The following DCC variants were observed in gnomAD, a reference collection of about 807,000 sequenced individuals.
DCC encodes netrin receptor DCC.
In DCC, 58 loss-of-function variants were observed where a neutral mutation model predicts 172.5. The observed-to-expected ratio is 0.34, with a 90% CI of 0.27 to 0.42. The LOEUF is 0.42. DCC is among the 10% of genes least tolerant of loss of function. DCC has a pLI of 1.00. For missense variants in DCC, 1,740 were observed against 1,791.0 expected, an observed-to-expected ratio of 0.97 and a Z score of 0.51; for synonymous variants, 709 against 644.5, an observed-to-expected ratio of 1.10 and a Z score of -1.52.
chr18:53,148,556 A>C (rs2043950165), intron 7 of DCC, among the ~76,000 whole-genome samples: 1 of 152,188 alleles, frequency 6.6e-6, no homozygotes, highest in Non-Finnish European at 1.5e-5. Context: ...GACATTGATG[A>C]GAAAGATGAT....
At chr18:53,376,401 TA>T (rs1317511659) in intron 15 of DCC, among the ~76,000 whole-genome samples, 3 of 152,048 alleles carry the variant, frequency 2.0e-5, no homozygotes, top group African/African-American at 7.2e-5. Context: ...AATAAATAAA[TA>T]TTTAAAAATA....
At chr18:52,439,451 G>T (rs770814187) in intron 1 of DCC, among the ~76,000 whole-genome samples, 1 of 152,046 alleles carries the variant, frequency 6.6e-6, no homozygotes, top group African/African-American at 2.4e-5. Context: ...TGGCCTTAGG[G>T]TGAGGCATCT....
At position 53,188,276 on chromosome 18, in the gene DCC, A is replaced by G. The variant is rs117037178; in HGVS notation, c.1573+9160A>G. On this transcript the variant is annotated intron_variant, in intron 9 of 28. Transcript: ENST00000442544. ...GCCCAAGGCCTATGTCTAGATTCCT[A>G]AGTACAGGCATGCTTATCCTAAACA... Among the ~76,000 whole-genome samples, 4 of 152,324 alleles carry G rather than the reference A, an allele frequency of 2.6e-5. No homozygotes were observed. The East Asian group carries it at 5.8e-4, about 22-fold the overall frequency.
At chr18:52,375,573 G>T (rs933138993) in intron 1 of DCC, among the ~76,000 whole-genome samples, 7 of 152,124 alleles carry the variant, frequency 4.6e-5, no homozygotes, top group Non-Finnish European at 8.8e-5. Context: ...TCATGTCTCC[G>T]TGGACCAGCT....
intron 3 of DCC, among the ~76,000 whole-genome samples, chr18:52,907,874 A>T (rs2039913491): frequency 6.6e-6 from 1 of 152,170 alleles, no homozygotes; most frequent in South Asian, 2.1e-4. Flanking sequence ...ATAGGGTGTG[A>T]TTGATATGAT....
chr18:53,224,011 CTG>C (rs775641192), intron 12 of DCC, among the ~76,000 whole-genome samples: 6 of 152,162 alleles, frequency 3.9e-5, no homozygotes, highest in Non-Finnish European at 8.8e-5. Context: ...CAATTTTGAA[CTG>C]TGCTTGTTGC....
chr18:52,912,558 A>ACC (rs1423680085), intron 3 of DCC, among the ~76,000 whole-genome samples: 23 of 151,946 alleles, frequency 1.5e-4, no homozygotes, highest in African/African-American at 5.6e-4. Context: ...CTAGTAACTT[A>ACC]TTGCTACATG....
At chr18:53,363,701 C>G (rs944128099) in intron 15 of DCC, among the ~76,000 whole-genome samples, 3 of 152,088 alleles carry the variant, frequency 2.0e-5, no homozygotes, top group Admixed American at 2.0e-4. Flanking sequence ...CCAGAGTCTC[C>G]CATAGTATTG....
Position 52,929,246 on chromosome 18 carries a change from G to A in DCC, c.985+3876G>A, listed in dbSNP as rs201607969. ...AGAAAGATAAGTGGCTATCCCAAGGGGGGATCCAGATCCAAATCCAGGCAT... is the reference window on the plus strand; with the variant it reads ...AGAAAGATAAGTGGCTATCCCAAGGAGGGATCCAGATCCAAATCCAGGCAT... On this transcript the variant is annotated intron_variant, in intron 5 of 28. Coordinates refer to ENST00000442544, the MANE Select transcript of DCC (RefSeq NM_005215.4). 9.2e-5 allele frequency among the ~76,000 whole-genome samples: 14 copies of A among 152,160 alleles called. No homozygotes were observed. The East Asian group carries it at 2.7e-3, about 29-fold the overall frequency.
At chr18:52,398,188 A>G (rs1986303224) in intron 1 of DCC, among the ~76,000 whole-genome samples, 1 of 151,972 alleles carries the variant, frequency 6.6e-6, no homozygotes, top group South Asian at 2.1e-4. Context: ...TGGGTGGAGG[A>G]TTTCACAACT....
intron 7 of DCC, among the ~76,000 whole-genome samples, chr18:53,142,351 C>G (rs1173135256): frequency 6.6e-6 from 1 of 152,200 alleles, no homozygotes; most frequent in African/African-American, 2.4e-5. Context: ...TAGAATTAAT[C>G]TTTTCACACT....
chr18:52,629,872 A>C (rs899228231), intron 1 of DCC, among the ~76,000 whole-genome samples: 2 of 147,382 alleles, frequency 1.4e-5, no homozygotes, highest in South Asian at 2.2e-4. Flanking sequence ...ATGGCGTGAA[A>C]CCGGGAGGCG....
chr18:53,241,466 G>A lies in DCC; in HGVS notation c.1911+25869G>A, dbSNP rs1278994471. Among the ~76,000 whole-genome samples, 4 of 152,228 alleles carry A rather than the reference G, an allele frequency of 2.6e-5. No individual in the cohort carries two copies. In the East Asian group the frequency reaches 7.8e-4, roughly 30 times the overall value. On this transcript the variant is annotated intron_variant, in intron 12 of 28. Coordinates refer to ENST00000442544, the MANE Select transcript of DCC (RefSeq NM_005215.4). ...GACAAGGGGTTGTCTCCCTGATGAG[G>A]GAGCTCTGAACCAAAGCTTCCCGCA...
Position 53,069,261 on chromosome 18 carries a change from G to A in DCC, c.1261+3095G>A, listed in dbSNP as rs567853111. On this transcript the variant is annotated intron_variant, in intron 7 of 28. Coordinates refer to ENST00000442544, the MANE Select transcript of DCC (RefSeq NM_005215.4). Reference sequence around the variant, plus strand: ...ACATGGTGGATTAGCTTCCAAGATGGAGTTGCTTTCGCCTCCACACTGGCT... The same window carrying A: ...ACATGGTGGATTAGCTTCCAAGATGAAGTTGCTTTCGCCTCCACACTGGCT... Among the ~76,000 whole-genome samples, 7 of 152,306 alleles carry A rather than the reference G, an allele frequency of 4.6e-5. No individual in the cohort carries two copies. In the East Asian group the frequency reaches 1.4e-3, roughly 29 times the overall value.
At chr18:52,420,266 A>G (rs1201865615) in intron 1 of DCC, among the ~76,000 whole-genome samples, 4 of 152,148 alleles carry the variant, frequency 2.6e-5, no homozygotes, top group South Asian at 2.1e-4. Flanking sequence ...AAGAAACTCA[A>G]TCTCTAGACC....
At chr18:53,460,056 G>GAAAAAAAA (rs55871112) in intron 24 of DCC, among the ~76,000 whole-genome samples, 1 of 75,986 alleles carries the variant, frequency 1.3e-5, no homozygotes, top group Non-Finnish European at 2.6e-5. Flanking sequence ...AAAGGGATCT[G>GAAAAAAAA]AAAAAAAAAA....
At chr18:52,572,807 A>G (rs2033330971) in intron 1 of DCC, among the ~76,000 whole-genome samples, 2 of 152,182 alleles carry the variant, frequency 1.3e-5, no homozygotes, top group Admixed American at 1.3e-4. Flanking sequence ...ATTAGGAATA[A>G]TTGAATGTGG....
At chr18:53,502,235 C>T (rs1332714715) in intron 27 of DCC, among the ~76,000 whole-genome samples, 1 of 152,116 alleles carries the variant, frequency 6.6e-6, no homozygotes, top group Non-Finnish European at 1.5e-5. Context: ...TTAAATGCCA[C>T]TCCTCTCCCC....
At chr18:52,471,310 C>A (rs1021559951) in intron 1 of DCC, among the ~76,000 whole-genome samples, 3 of 152,112 alleles carry the variant, frequency 2.0e-5, no homozygotes, top group African/African-American at 4.8e-5. Context: ...CCAGCCTGGG[C>A]AACACAGCAA....
Sources: allele counts gnomAD v4.1 joint callset (sites outside exome capture counted in the v4.1 genomes callset), GRCh38; gene constraint gnomAD v4.1.1; transcripts MANE v1.5; gene names NCBI Gene and HGNC (gene_info 2026-07-23, HGNC 2026-07-21).